Variants in RIPK4 observed in about 807,000 individuals in gnomAD.
RIPK4 encodes the protein receptor interacting serine/threonine kinase 4, also known as receptor-interacting serine/threonine-protein kinase 4.
RIPK4 carries 17 observed loss-of-function variants against 42.9 expected under a neutral mutation model. That is an observed-to-expected ratio of 0.40 (90% CI 0.27 to 0.59). The LOEUF is 0.59. Among genes scored for constraint, RIPK4 ranks in the 20% least tolerant of loss-of-function variants. The pLI, the probability that RIPK4 is intolerant of heterozygous loss-of-function variation, is 0.47. For missense variants in RIPK4, 897 were observed against 1,104.4 expected (o/e 0.81, Z 2.66); for synonymous variants, 498 against 499.1 (o/e 1.00, Z 0.03).
intron 6 of RIPK4, among the ~76,000 whole-genome samples, chr21:41,744,393 C>A (rs1202790304): frequency 3.3e-5 from 5 of 150,492 alleles, no homozygotes; most frequent in East Asian, 3.9e-4. Flanking sequence ...CAGTGCCGGG[C>A]AGCTCAGACC....
At chr21:41,760,109 G>A (rs73371622) in intron 1 of RIPK4, among the ~76,000 whole-genome samples, 1 of 152,354 alleles carries the variant, frequency 6.6e-6, no homozygotes, top group African/African-American at 2.4e-5. Flanking sequence ...CCAAGGCTAA[G>A]AATTACTCAG....
intron 1 of RIPK4, 81 bp from the exon 2 acceptor site, chr21:41,756,897 C>A (rs1258725163): frequency 3.4e-6 from 5 of 1,470,770 alleles, no homozygotes; most frequent in African/African-American, 2.8e-5. Context: ...CAGAAGACGA[C>A]CAGCTCCAGA....
chr21:41,746,434 G>GT lies in RIPK4; in HGVS notation c.832+178dup, dbSNP rs201861564. ...CAGTTCCAGCTGCCGTGGCCGAGCC[G>GT]TGAGTACCAGAGGCCGCAGGCAGGT... On this transcript the variant is annotated intron_variant, in intron 5 of 7. Transcript: ENST00000332512. Among the ~76,000 whole-genome samples the GT allele has an allele frequency of 8.0e-3, 1,225 of 152,342 alleles. 13 individuals are homozygous for GT. The highest frequency in any genetic ancestry group is 0.027 in the African/African-American group (1,117 of 41,574).
At position 41,756,765 on chromosome 21, in the gene RIPK4, A is replaced by T; in HGVS notation, c.234T>A (p.Phe78Leu). 6.2e-7 allele frequency: 1 copy of T among 1,614,110 alleles called. No individual in the cohort carries two copies. The highest frequency in any genetic ancestry group is 8.5e-7 in the Non-Finnish European group (1 of 1,179,938). ...TGCCATACACAGGCAGGATGTAGCG[A>T]AACTTGGCCATCTCCATCTTCTTGG... ...EEAKKMEMAK[F>L]RYILPVYGIC... The change falls in exon 2 of 8, where the codon TTT becomes TTA. Residue 78 changes from phenylalanine to leucine, a missense_variant. Physicochemically the swap from Phe to Leu is conservative, Grantham distance 22. Coordinates refer to ENST00000332512, the MANE Select transcript of RIPK4 (RefSeq NM_020639.3).
intron 1 of RIPK4, among the ~76,000 whole-genome samples, chr21:41,764,521 A>G (rs1454610448): frequency 6.6e-6 from 1 of 152,076 alleles, no homozygotes; most frequent in Non-Finnish European, 1.5e-5. Flanking sequence ...GGCTGCACAC[A>G]AAGACCCTAG....
chr21:41,754,716 C>G (rs1345584414), intron 2 of RIPK4, among the ~76,000 whole-genome samples: 1 of 152,214 alleles, frequency 6.6e-6, no homozygotes, highest in Non-Finnish European at 1.5e-5. Flanking sequence ...AAGGCCCAGC[C>G]CCAGGAGCAC....
In RIPK4 at chr21:41,742,045, G is replaced by A; in HGVS notation, c.1196-48C>T. On this transcript the variant is annotated intron_variant, in intron 7 of 7. Transcript: ENST00000332512. The surrounding 1 kb of genome is among the most constrained non-coding windows in gnomAD (Gnocchi z 5.1). ...GGTCAGAGCGTGGCTGCACATCCAG[G>A]GACGTGGCGTCTCTGGGAGCCTGGC... is the stretch of plus-strand genomic sequence containing the variant. The A allele has an allele frequency of 6.7e-7, 1 of 1,482,036 alleles. No individual in the cohort carries two copies. The allele number at this position is 1,482,036 out of a possible 1,614,324, so 91.8% of individuals were successfully genotyped here.
At chr21:41,762,755 C>A (rs1359957969) in intron 1 of RIPK4, among the ~76,000 whole-genome samples, 3 of 150,230 alleles carry the variant, frequency 2.0e-5, no homozygotes, top group Non-Finnish European at 4.4e-5. Flanking sequence ...ATTCTGATGA[C>A]CACACAAAAG....
Position 41,741,058 on chromosome 21 carries a change from G to A in RIPK4, c.2135C>T (p.Ala712Val). The A allele has an allele frequency of 6.2e-7, 1 of 1,610,178 alleles. No individual in the cohort carries two copies. Among genetic ancestry groups the A allele is most frequent in the Non-Finnish European group, 8.5e-7 (1 of 1,179,188 alleles). ...LNQTALHLAA[A>V]HGHSEVVEEL... ...CTCCACCACCTCCGAGTGCCCGTGG[G>A]CGGCAGCCAGGTGCAGCGCCGTCTG... is the stretch of plus-strand genomic sequence containing the variant. The change falls in exon 8 of 8, where the codon GCC becomes GTC. Residue 712 changes from alanine to valine, a missense_variant. Physicochemically the swap from Ala to Val is moderately conservative, Grantham distance 64 (BLOSUM62 0). Transcript: ENST00000332512.
rs1305884617 is a variant in RIPK4, at chr21:41,742,838, C to A, written c.1196-841G>T. 1.3e-5 allele frequency among the ~76,000 whole-genome samples: 2 copies of A among 152,132 alleles called. No individual in the cohort carries two copies. The highest frequency in any genetic ancestry group is 4.8e-5 in the African/African-American group (2 of 41,406). ...GAGTATTAGACCCAAAGAGAATGTTCTAGAACGTACTTATCCATGGGAGAT... is the reference window on the plus strand; with the variant it reads ...GAGTATTAGACCCAAAGAGAATGTTATAGAACGTACTTATCCATGGGAGAT... On this transcript the variant is annotated intron_variant, in intron 7 of 7. Coordinates refer to ENST00000332512, the MANE Select transcript of RIPK4 (RefSeq NM_020639.3). The surrounding 1 kb of genome is among the most constrained non-coding windows in gnomAD (Gnocchi z 5.1).
rs1376573183 is a variant in RIPK4, at chr21:41,739,551, T to C, written c.*1287A>G. 1 of 152,242 alleles carries C rather than the reference T, an allele frequency of 6.6e-6. No homozygotes were observed. The highest frequency in any genetic ancestry group is 1.5e-5 in the Non-Finnish European group (1 of 68,044). The allele number at this position is 152,242 out of a possible 1,614,324, so 9.4% of individuals were successfully genotyped here. On this transcript the variant is annotated 3_prime_UTR_variant, in exon 8 of 8. Coordinates refer to ENST00000332512, the MANE Select transcript of RIPK4 (RefSeq NM_020639.3). ...GCCCACAGATTCACATTAACATACA[T>C]GGTACATTAATATCAATCTCTATCA...
intron 1 of RIPK4, among the ~76,000 whole-genome samples, chr21:41,766,365 A>C (rs1448807459): frequency 6.6e-6 from 1 of 152,236 alleles, no homozygotes; most frequent in Non-Finnish European, 1.5e-5. Context: ...AGTCGAACGG[A>C]GGCTAACTCC....
chr21:41,743,445 A>G (rs966720431), intron 7 of RIPK4, among the ~76,000 whole-genome samples: 3 of 152,256 alleles, frequency 2.0e-5, no homozygotes, highest in African/African-American at 7.2e-5. Context: ...CTAGGCCTGG[A>G]CTACCGTGAA....
Position 41,756,732 on chromosome 21 carries a change from G to A in RIPK4, c.267C>T (p.Arg89=), listed in dbSNP as rs55798804. 1.1e-3 allele frequency: 1,734 copies of A among 1,614,232 alleles called. 3 individuals are homozygous for A. The highest frequency in any genetic ancestry group is 4.2e-3 in the Admixed American group (254 of 60,036). The part of the protein sequence containing the change: ...RYILPVYGIC[R]EPVGLVMEYM... ...ACTCCATGACCAGGCCGACAGGTTC[G>A]CGGCAGATGCCATACACAGGCAGGA... is the stretch of plus-strand genomic sequence containing the variant. Residue 89 remains arginine (R), a synonymous_variant, in exon 2 of 8, where the codon CGC becomes CGT. Transcript: ENST00000332512.
intron 1 of RIPK4, among the ~76,000 whole-genome samples, chr21:41,758,387 T>C (rs139455862): frequency 4.5e-4 from 68 of 152,350 alleles, no homozygotes; most frequent in African/African-American, 1.5e-3. Flanking sequence ...CTGTAACATA[T>C]ATCAAAACTT....
intron 2 of RIPK4, 21 bp downstream of exon 2, chr21:41,756,504 G>A (rs375479142): frequency 2.3e-4 from 369 of 1,603,770 alleles, no homozygotes; most frequent in Non-Finnish European, 3.1e-4. Context: ...CAGCTCTCTC[G>A]GGCACCGTGC....
chr21:41,744,376 G>A lies in RIPK4; in HGVS notation c.937-236C>T, dbSNP rs571058063. 2.7e-5 allele frequency among the ~76,000 whole-genome samples: 4 copies of A among 150,928 alleles called. No individual in the cohort carries two copies. The East Asian group carries it at 5.8e-4, about 22-fold the overall frequency. ...CAGCGCCGCGGAGCTCAGACCCCGC[G>A]CCCGCACAGTGCCGGGCAGCTCAGA... On this transcript the variant is annotated intron_variant, in intron 6 of 7. Coordinates refer to ENST00000332512, the MANE Select transcript of RIPK4 (RefSeq NM_020639.3).
chr21:41,744,162 G>A, intron 6 of RIPK4, 22 bp from the exon 7 acceptor site: 2 of 1,557,314 alleles, frequency 1.3e-6, no homozygotes, highest in Non-Finnish European at 1.7e-6. Context: ...CAGAAGAGGG[G>A]GTGGGTGAAG....
chr21:41,761,618 C>T (rs1490220385), intron 1 of RIPK4, among the ~76,000 whole-genome samples: 2 of 152,168 alleles, frequency 1.3e-5, no homozygotes, highest in African/African-American at 2.4e-5. Context: ...AATGACAATT[C>T]GGGTGTTTAG....
Sources: allele counts gnomAD v4.1 joint callset (sites outside exome capture counted in the v4.1 genomes callset), GRCh38; gene constraint gnomAD v4.1.1; non-coding constraint Gnocchi (gnomAD v3.1); transcripts MANE v1.5; gene names NCBI Gene and HGNC (gene_info 2026-07-23, HGNC 2026-07-21).